The following LRRC34 variants were observed in gnomAD, a reference collection of about 807,000 sequenced individuals.
The protein encoded by LRRC34 is leucine rich repeat containing 34.
Under a neutral mutation model 48.5 loss-of-function variants are expected in LRRC34, and 44 were observed. That is an observed-to-expected ratio of 0.91 (90% CI 0.71 to 1.17). The LOEUF (loss-of-function observed/expected upper bound fraction) is 1.17, where lower values mean the gene tolerates loss of function less well. Among genes scored for constraint, LRRC34 ranks in the 50% most tolerant of loss-of-function variants. The pLI is 0.00. For missense variants in LRRC34, 502 were observed against 563.0 expected (o/e 0.89, Z 1.10); for synonymous variants, 192 against 197.6 (o/e 0.97, Z 0.24).
chr3:169,796,404 G>A, intron 8 of LRRC34, 35 bp from the exon 9 acceptor site: 1 of 1,578,614 alleles, frequency 6.3e-7, no homozygotes, highest in Non-Finnish European at 8.6e-7. Flanking sequence ...TTGAAAATAT[G>A]AAATAGTGTT....
intron 1 of LRRC34, among the ~76,000 whole-genome samples, chr3:169,809,360 C>T (rs1223411646): frequency 6.6e-6 from 1 of 152,106 alleles, no homozygotes; most frequent in Non-Finnish European, 1.5e-5. Context: ...CCCTCTACAC[C>T]ATCCCAAGTT....
chr3:169,798,173 G>A (rs1779064355), intron 7 of LRRC34, among the ~76,000 whole-genome samples: 1 of 152,204 alleles, frequency 6.6e-6, no homozygotes, highest in Admixed American at 6.5e-5. Context: ...GCCAGGCACA[G>A]AGGACAAACT....
intron 6 of LRRC34, among the ~76,000 whole-genome samples, chr3:169,803,314 A>G (rs1179146644): frequency 6.6e-6 from 1 of 152,250 alleles, no homozygotes; most frequent in Non-Finnish European, 1.5e-5. Flanking sequence ...TCCTGGGCTC[A>G]AGAGATTCTC....
chr3:169,806,790 G>T, intron 5 of LRRC34, 58 bp downstream of exon 5: 1 of 1,052,750 alleles, frequency 9.5e-7, no homozygotes, highest in Non-Finnish European at 1.5e-6. Context: ...TTGGTTCCAA[G>T]CTATCAGAAG....
At chr3:169,797,745 C>T (rs1417288908) in intron 7 of LRRC34, among the ~76,000 whole-genome samples, 2 of 152,062 alleles carry the variant, frequency 1.3e-5, no homozygotes, top group African/African-American at 4.8e-5. Flanking sequence ...AACCACATAG[C>T]AATAGCAGAA....
chr3:169,807,799 A>G, intron 2 of LRRC34, 90 bp from the exon 3 acceptor site: 1 of 1,340,438 alleles, frequency 7.5e-7, no homozygotes. Flanking sequence ...TCATGTATAA[A>G]TAGTCATATC....
chr3:169,806,254 T>A (rs1169659461), intron 5 of LRRC34, among the ~76,000 whole-genome samples: 3 of 152,188 alleles, frequency 2.0e-5, no homozygotes, highest in African/African-American at 7.2e-5. Context: ...GTTGGATTCC[T>A]ACCTCATACC....
chr3:169,795,660 T>G, intron 9 of LRRC34, 49 bp from the exon 10 acceptor site: 1 of 1,585,374 alleles, frequency 6.3e-7, no homozygotes, highest in Non-Finnish European at 8.6e-7. Context: ...TAGCAACATT[T>G]ATTACAAACA....
Position 169,800,687 on chromosome 3 carries a change from A to C in LRRC34, c.725T>G (p.Leu242Arg). ...TTCACTGTACAGTATAGGTCGGTTT[A>C]GGTTTATTGCCTTAATTGCTTGGTT... ...TQNQAIKAIN[L>R]NRPILYSEQE... is the part of the protein sequence containing the mutation. Residue 242 changes from leucine (L) to arginine (R), a missense_variant, in exon 7 of 11, where the codon CTA (leucine) becomes CGA (arginine). Leu to Arg is a moderately radical substitution (Grantham distance 102). Transcript: ENST00000446859. 6.5e-7 allele frequency: 1 copy of C among 1,534,926 alleles called. No homozygotes were observed. Among genetic ancestry groups the C allele is most frequent in the Non-Finnish European group, 8.7e-7 (1 of 1,146,416 alleles).
rs760979421 is a variant in LRRC34, at chr3:169,795,512, T to TC, written c.1163dup (p.Asn389LysfsTer4). 3.7e-6 allele frequency: 6 copies of TC among 1,612,118 alleles called. No homozygotes were observed. The highest frequency in any genetic ancestry group is 5.1e-6 in the Non-Finnish European group (6 of 1,178,736). ...TACACGTAGCCTCATCAAATTTGTT[T>TC]CCCCAAATGTAGATATGAGAGAAAG... On this transcript the variant is annotated frameshift_variant, in exon 10 of 11. Transcript: ENST00000446859. LOFTEE classifies it high-confidence loss of function.
chr3:169,809,937 T>C (rs1246489634), intron 1 of LRRC34, among the ~76,000 whole-genome samples: 1 of 151,216 alleles, frequency 6.6e-6, no homozygotes, highest in African/African-American at 2.4e-5. Context: ...AATATACTTA[T>C]TCCAGACAAT....
In LRRC34 at chr3:169,793,372, TTA is replaced by T; in HGVS notation, c.*261_*262del. 1.0e-5 allele frequency: 3 copies of T among 294,422 alleles called. No homozygotes were observed. The highest frequency in any genetic ancestry group is 1.9e-5 in the Non-Finnish European group (3 of 160,798). The allele number at this position is 294,422 out of a possible 1,614,324, so 18.2% of individuals were successfully genotyped here. On this transcript the variant is annotated 3_prime_UTR_variant, in exon 11 of 11. Coordinates refer to ENST00000446859, the MANE Select transcript of LRRC34 (RefSeq NM_001172779.2). The stretch of plus-strand genomic sequence containing the variant: ...ATTTCACTACTTGGTTATATTTTCA[TTA>T]TAAAAAGAAATTTAGTCTAGTTCCT...
intron 1 of LRRC34, among the ~76,000 whole-genome samples, chr3:169,810,143 G>T (rs1205729939): frequency 2.6e-5 from 4 of 151,610 alleles, no homozygotes; most frequent in Non-Finnish European, 1.5e-5. Flanking sequence ...GTTTCACCAT[G>T]TTGGCCAGGC....
At chr3:169,810,678 A>G (rs1779530374) in intron 1 of LRRC34, among the ~76,000 whole-genome samples, 1 of 152,266 alleles carries the variant, frequency 6.6e-6, no homozygotes, top group South Asian at 2.1e-4. Context: ...GTACTAAAAT[A>G]AACAAAACTA....
rs2108247732 is a variant in LRRC34 at position 169,808,729 on chromosome 3, A to C, written c.156T>G (p.Gly52=). 2 of 1,579,298 alleles carry C rather than the reference A, an allele frequency of 1.3e-6. No individual in the cohort carries two copies. The highest frequency in any genetic ancestry group is 1.7e-6 in the Non-Finnish European group (2 of 1,154,702). Residue 52 remains glycine, a synonymous_variant, in exon 2 of 11, where the codon GGT becomes GGG. Coordinates refer to ENST00000446859, the MANE Select transcript of LRRC34 (RefSeq NM_001172779.2). ...ACAGATTAGAATAATGTTTCTGGAG[A>C]CCAGATTCTGGAGATTCTGAAAAAT... ...LAVQRESPES[G]LQKHYSNLCM...
intron 1 of LRRC34, among the ~76,000 whole-genome samples, chr3:169,810,021 A>G (rs977694797): frequency 6.6e-6 from 1 of 150,678 alleles, no homozygotes; most frequent in South Asian, 2.1e-4. Context: ...CAGGAGCGCA[A>G]TCTCGGCTCA....
intron 6 of LRRC34, among the ~76,000 whole-genome samples, chr3:169,801,589 C>G (rs1310068472): frequency 1.3e-5 from 2 of 152,158 alleles, no homozygotes; most frequent in Admixed American, 1.3e-4. Context: ...ATACAACCCC[C>G]ACTTCTTCCC....
chr3:169,808,485 G>C (rs112944799), intron 2 of LRRC34, 143 bp downstream of exon 2: 8,216 of 562,476 alleles, frequency 0.015, 83 homozygotes, highest in Middle Eastern at 0.03. Flanking sequence ...TGTTGCTCGT[G>C]TACTTACTTA....
intron 6 of LRRC34, 114 bp downstream of exon 6, chr3:169,803,939 C>A (rs1779280218): frequency 5.0e-6 from 5 of 1,004,036 alleles, no homozygotes; most frequent in Non-Finnish European, 6.9e-6. Flanking sequence ...GGGAAAAACA[C>A]CTTTTCTCTG....
Sources: allele counts gnomAD v4.1 joint callset (sites outside exome capture counted in the v4.1 genomes callset), GRCh38; gene constraint gnomAD v4.1.1; transcripts MANE v1.5; gene names NCBI Gene and HGNC (gene_info 2026-07-23, HGNC 2026-07-21).